Variants in ZC3H3 observed in about 807,000 individuals in gnomAD.
ZC3H3 encodes zinc finger CCCH domain-containing protein 3.
In ZC3H3, 36 loss-of-function variants were observed where a neutral mutation model predicts 77.3. The observed-to-expected ratio is 0.47, with a 90% CI of 0.36 to 0.61. The LOEUF is 0.61. Ranked by LOEUF, ZC3H3 falls within the 20% of genes least tolerant of loss-of-function variation. The pLI is 0.00. For missense variants in ZC3H3, 1,331 were observed against 1,312.2 expected (o/e 1.01, Z -0.22); for synonymous variants, 626 against 555.2 (o/e 1.13, Z -1.79).
At chr8:143,482,909 C>T (rs544337131) in intron 4 of ZC3H3, among the ~76,000 whole-genome samples, 172 of 152,284 alleles carry the variant, frequency 1.1e-3, no homozygotes, top group Admixed American at 1.6e-3. Context: ...GAGCAGGTAC[C>T]GGGCCACGGG....
At chr8:143,467,118 C>T (rs752489188) in intron 8 of ZC3H3, among the ~76,000 whole-genome samples, 13 of 151,874 alleles carry the variant, frequency 8.6e-5, no homozygotes, top group African/African-American at 2.2e-4. Flanking sequence ...GGCTGGGGGC[C>T]GTTTGGGGCT....
rs1463102731 is a variant in ZC3H3 at position 143,533,009 on chromosome 8, C to T, written c.1561+3248G>A. 4.6e-5 allele frequency among the ~76,000 whole-genome samples: 7 copies of T among 152,164 alleles called. No homozygotes were observed. The highest frequency in any genetic ancestry group is 8.8e-5 in the Non-Finnish European group (6 of 68,000). ...CTGCGGACTCCGCTCCTTGGCCTGG[C>T]GTCAGTGGCCTCACGCACAGGTCCT... On this transcript the variant is annotated intron_variant, in intron 3 of 11. Coordinates refer to ENST00000262577, the MANE Select transcript of ZC3H3 (RefSeq NM_015117.3). The surrounding 1 kb of genome is among the most constrained non-coding windows in gnomAD (Gnocchi z 4.0).
intron 3 of ZC3H3, among the ~76,000 whole-genome samples, chr8:143,524,996 C>A (rs1279378957): frequency 1.9e-5 from 1 of 52,556 alleles, no homozygotes; most frequent in Admixed American, 2.1e-4. Context: ...AAACCAACAG[C>A]TAACTTGACA....
intron 9 of ZC3H3, among the ~76,000 whole-genome samples, chr8:143,442,401 G>T (rs544178072): frequency 8.4e-6 from 1 of 118,646 alleles, no homozygotes; most frequent in Non-Finnish European, 1.8e-5. Context: ...TTCAGGGGCC[G>T]GGGGGGGTGG....
rs1821286422 is a variant in ZC3H3, at chr8:143,494,341, G to A, written c.1715+13405C>T. 6.6e-6 allele frequency among the ~76,000 whole-genome samples: 1 copy of A among 152,240 alleles called. No individual in the cohort carries two copies. Among genetic ancestry groups the A allele is most frequent in the African/African-American group, 2.4e-5 (1 of 41,464 alleles). The stretch of plus-strand genomic sequence containing the variant: ...CGTGAGTGAGCAGCTCAGGCTACGG[G>A]ACCGGTGGCAGCCCGCCAGCCCTCC... On this transcript the variant is annotated intron_variant, in intron 4 of 11. Coordinates refer to ENST00000262577, the MANE Select transcript of ZC3H3 (RefSeq NM_015117.3). This position sits in a 1 kb window ranked among gnomAD's most constrained non-coding sequence, Gnocchi z 5.3.
chr8:143,492,257 C>T (rs992074164), intron 4 of ZC3H3, among the ~76,000 whole-genome samples: 5 of 152,126 alleles, frequency 3.3e-5, no homozygotes, highest in African/African-American at 1.2e-4. Context: ...CCCTCCTCAC[C>T]GGCCACCCAC....
At chr8:143,526,536 C>T (rs570455099) in intron 3 of ZC3H3, among the ~76,000 whole-genome samples, 3 of 152,190 alleles carry the variant, frequency 2.0e-5, no homozygotes, top group South Asian at 2.1e-4. Context: ...GGTTCCCAGA[C>T]GATGCCCAAG....
chr8:143,444,005 T>C (rs1359067626), intron 9 of ZC3H3, among the ~76,000 whole-genome samples: 3 of 150,626 alleles, frequency 2.0e-5, no homozygotes, highest in African/African-American at 7.3e-5. Flanking sequence ...GACAGAGTCT[T>C]GCTCTGTTGC....
At chr8:143,492,209 G>A (rs780618228) in intron 4 of ZC3H3, among the ~76,000 whole-genome samples, 3 of 152,190 alleles carry the variant, frequency 2.0e-5, no homozygotes, top group African/African-American at 4.8e-5. Flanking sequence ...AAAGCCTCGG[G>A]GGGAGGAGTG....
intron 4 of ZC3H3, among the ~76,000 whole-genome samples, chr8:143,502,440 A>G (rs1821554439): frequency 6.6e-6 from 1 of 152,262 alleles, no homozygotes; most frequent in Non-Finnish European, 1.5e-5. Flanking sequence ...AGCGTTTCAG[A>G]GCCCTTCAAA....
intron 9 of ZC3H3, among the ~76,000 whole-genome samples, chr8:143,461,816 T>C (rs1820271655): frequency 6.6e-6 from 1 of 151,020 alleles, no homozygotes. Flanking sequence ...GGGCCGGGAC[T>C]GATGATGAAA....
chr8:143,440,007 G>T (rs772640080), intron 11 of ZC3H3, 34 bp downstream of exon 11: 203 of 1,464,176 alleles, frequency 1.4e-4, no homozygotes, highest in Non-Finnish European at 1.7e-4. Context: ...GGTGAGGGGG[G>T]CCCTGGGGGC....
chr8:143,470,642 C>T (rs1454043274), intron 5 of ZC3H3, among the ~76,000 whole-genome samples: 1 of 152,248 alleles, frequency 6.6e-6, no homozygotes, highest in African/African-American at 2.4e-5. Flanking sequence ...CAGGGACACA[C>T]TGGCATCACG....
chr8:143,439,441 G>C (rs763113391), intron 11 of ZC3H3, among the ~76,000 whole-genome samples: 1 of 152,218 alleles, frequency 6.6e-6, no homozygotes, highest in Non-Finnish European at 1.5e-5. Context: ...AACGCGCGGA[G>C]AGCTGTAAAA....
intron 4 of ZC3H3, chr8:143,484,899 C>CAA (rs1821009720): frequency 8.8e-6 from 4 of 455,276 alleles, no homozygotes; most frequent in Admixed American, 2.4e-5. Flanking sequence ...CCTGGAAAGG[C>CAA]GTGGTGACCT....
chr8:143,516,579 A>ACACACTCT (rs1554645654), intron 3 of ZC3H3, among the ~76,000 whole-genome samples: 2 of 145,686 alleles, frequency 1.4e-5, no homozygotes, highest in African/African-American at 5.2e-5. Context: ...ACACACACAC[A>ACACACTCT]CTCACTCTCA....
At chr8:143,521,427 T>C (rs2060967) in intron 3 of ZC3H3, among the ~76,000 whole-genome samples, 74,752 of 130,972 alleles carry the variant, frequency 0.57, 18,793 homozygotes, top group East Asian at 0.7. Context: ...CAGCACTATG[T>C]CTGCCTCTGG....
rs537440173 is a variant in ZC3H3, at chr8:143,439,284, A to AT, written c.2815+756dup. Among the ~76,000 whole-genome samples, 246 of 152,244 alleles carry AT rather than the reference A, an allele frequency of 1.6e-3. 1 individual carries two copies. Among genetic ancestry groups the AT allele is most frequent in the Middle Eastern group, 3.4e-3 (1 of 294 alleles). ...AGGAGGCGGCCCCTCCGAGGCAGGC[A>AT]TTTGAGTGTGCTCAGCGGAGCTGTT... is the stretch of plus-strand genomic sequence containing the variant. On this transcript the variant is annotated intron_variant, in intron 11 of 11. Coordinates refer to ENST00000262577, the MANE Select transcript of ZC3H3 (RefSeq NM_015117.3).
intron 3 of ZC3H3, among the ~76,000 whole-genome samples, chr8:143,518,253 C>A (rs1394214788): frequency 6.6e-6 from 1 of 152,230 alleles, no homozygotes. Context: ...GAGCCCGAGG[C>A]CCTTCCCTCC....
Sources: allele counts gnomAD v4.1 joint callset (sites outside exome capture counted in the v4.1 genomes callset), GRCh38; gene constraint gnomAD v4.1.1; non-coding constraint Gnocchi (gnomAD v3.1); transcripts MANE v1.5; gene names NCBI Gene and HGNC (gene_info 2026-07-23, HGNC 2026-07-21).